Variants in IL1RL1 observed in about 807,000 individuals in gnomAD.
IL1RL1 encodes interleukin-1 receptor-like 1.
In IL1RL1, 32 loss-of-function variants were observed where a neutral mutation model predicts 50.9. The observed-to-expected ratio is 0.63, with a 90% confidence interval of 0.47 to 0.84. IL1RL1 has a LOEUF of 0.84. IL1RL1 is among the 40% of genes least tolerant of loss of function. IL1RL1 has a pLI of 0.00. For synonymous variants in IL1RL1, 275 were observed against 236.0 expected (o/e 1.17, Z -1.51); for missense variants, 773 against 662.9 (o/e 1.17, Z -1.82).
At position 102,342,927 on chromosome 2, in the gene IL1RL1, G is replaced by T. The variant is rs1037357069; in HGVS notation, c.683-109G>T. 3.0e-6 allele frequency: 3 copies of T among 1,008,320 alleles called. No homozygotes were observed. In the African/African-American group the frequency reaches 4.9e-5, roughly 16 times the overall value. The allele number at this position is 1,008,320 out of a possible 1,614,324, so 62.5% of individuals were successfully genotyped here. A position where few individuals can be genotyped will look rare whatever the true frequency, so the allele number is the denominator to read the frequency against. ...GCTAGAGATGAGGGAGGGAGGTCCT[G>T]GTGGGGTGCATACTAAGTGTTCAGT... is the stretch of plus-strand genomic sequence containing the variant. On this transcript the variant is annotated intron_variant, in intron 6 of 10. Coordinates refer to ENST00000233954, the MANE Select transcript of IL1RL1 (RefSeq NM_016232.5).
Position 102,340,119 on chromosome 2 carries a change from A to G in IL1RL1, c.294A>G (p.Gly98=), listed in dbSNP as rs1677487652. The G allele has an allele frequency of 1.3e-6, 2 of 1,574,500 alleles. No individual in the cohort carries two copies. Among genetic ancestry groups the G allele is most frequent in the Non-Finnish European group, 8.6e-7 (1 of 1,158,708 alleles). Residue 98 remains glycine, a synonymous_variant, in exon 4 of 11, where the codon GGA becomes GGG. Transcript: ENST00000233954. ...IVRSPTFNRT[G]YANVTIYKKQ... ...ACAGTCCCACATTCAATAGGACTGG[A>G]TATGCGAATGTCACCATATATAAAA...
Position 102,351,742 on chromosome 2 carries a change from G to T in IL1RL1, c.1492G>T (p.Asp498Tyr). The T allele has an allele frequency of 1.2e-6, 2 of 1,614,046 alleles. No homozygotes were observed. Among genetic ancestry groups the T allele is most frequent in the African/African-American group, 2.7e-5 (2 of 75,008 alleles). ...LDMLQAEALQDSLQHLMKVQG... is the reference protein window; with the variant it reads ...LDMLQAEALQYSLQHLMKVQG... ...CATGCTGCAGGCTGAGGCGCTTCAG[G>T]ACTCCCTCCAGCATCTTATGAAAGT... The change falls in exon 11 of 11, where the codon GAC becomes TAC. Residue 498 changes from aspartate (D) to tyrosine (Y), a missense_variant. Transcript: ENST00000233954.
chr2:102,338,270 G>C lies in IL1RL1; in HGVS notation c.6G>C (p.Gly2=). The stretch of plus-strand genomic sequence containing the variant: ...GCTCTTGATTGATAAACAGAATGGG[G>C]TTTTGGATCTTAGCAATTCTCACAA... M[G]FWILAILTIL... The change falls in exon 2 of 11, where the codon GGG becomes GGC. Residue 2 remains glycine, a synonymous_variant. Transcript: ENST00000233954. The C allele has an allele frequency of 6.2e-7, 1 of 1,605,650 alleles. No individual in the cohort carries two copies. Among genetic ancestry groups the C allele is most frequent in the Non-Finnish European group, 8.5e-7 (1 of 1,173,742 alleles).
At chr2:102,323,684 A>G (rs2104966305) in intron 1 of IL1RL1, among the ~76,000 whole-genome samples, 1 of 152,140 alleles carries the variant, frequency 6.6e-6, no homozygotes, top group South Asian at 2.1e-4. Flanking sequence ...TGAAGGAGGG[A>G]ATTAATCTAT....
intron 8 of IL1RL1, 123 bp downstream of exon 8, chr2:102,343,538 C>G (rs1262164827): frequency 6.3e-7 from 1 of 1,580,094 alleles, no homozygotes; most frequent in Non-Finnish European, 8.6e-7. Flanking sequence ...AAATGTGCTT[C>G]TCTTCTTCGG....
chr2:102,315,001 C>G (rs1448637530), intron 1 of IL1RL1, among the ~76,000 whole-genome samples: 1 of 152,180 alleles, frequency 6.6e-6, no homozygotes, highest in South Asian at 2.1e-4. Context: ...GGCAAACTTA[C>G]AGTTTATCTG....
At position 102,343,272 on chromosome 2, in the gene IL1RL1, T is replaced by C. The variant is rs1463232940; in HGVS notation, c.827T>C (p.Phe276Ser). 2 of 1,614,214 alleles carry C rather than the reference T, an allele frequency of 1.2e-6. No individual in the cohort carries two copies. The change falls in exon 8 of 11, where the codon TTC (phenylalanine) becomes TCC (serine). Residue 276 changes from phenylalanine (F) to serine (S), a missense_variant and splice_region_variant. Coordinates refer to ENST00000233954, the MANE Select transcript of IL1RL1 (RefSeq NM_016232.5). Reference sequence around the variant, plus strand: ...AAAGTAACAGGTTGCTTTCTTAGTTTCAGCAATGGGCTGGCTTGTCTAGAC... The same window carrying C: ...AAAGTAACAGGTTGCTTTCTTAGTTCCAGCAATGGGCTGGCTTGTCTAGAC... ...IQQEEGQNQSFSNGLACLDMV... is the reference protein window; with the variant it reads ...IQQEEGQNQSSSNGLACLDMV...
At position 102,340,827 on chromosome 2, in the gene IL1RL1, G is replaced by T; in HGVS notation, c.609G>T (p.Lys203Asn). The T allele has an allele frequency of 2.5e-6, 4 of 1,569,268 alleles. No homozygotes were observed. Among genetic ancestry groups the T allele is most frequent in the Non-Finnish European group, 3.4e-6 (4 of 1,165,852 alleles). ...CGGCGACCAGGTCCTTCACGGTCAA[G>T]GGTAAGCTACTGACATTAATGAGAT... ...SVTATRSFTV[K>N]DEQGFSLFPV... is the part of the protein sequence containing the mutation. Residue 203 changes from lysine (K) to asparagine (N), a missense_variant and splice_region_variant, in exon 5 of 11, where the codon AAG (lysine) becomes AAT (asparagine). Physicochemically the swap from Lys to Asn is moderately conservative, Grantham distance 94. Transcript: ENST00000233954.
chr2:102,328,089 T>C (rs936118216), intron 1 of IL1RL1, among the ~76,000 whole-genome samples: 1 of 152,088 alleles, frequency 6.6e-6, no homozygotes, highest in African/African-American at 2.4e-5. Flanking sequence ...TGATGAACAT[T>C]GATGCAAAAA....
At chr2:102,324,418 G>A (rs1425861857) in intron 1 of IL1RL1, among the ~76,000 whole-genome samples, 4 of 152,188 alleles carry the variant, frequency 2.6e-5, no homozygotes, top group Middle Eastern at 3.2e-3. Flanking sequence ...ACAGCTCCCA[G>A]CGTGAGCGAC....
At position 102,338,314 on chromosome 2, in the gene IL1RL1, C is replaced by A; in HGVS notation, c.50C>A (p.Ala17Glu). The A allele has an allele frequency of 6.3e-7, 1 of 1,593,342 alleles. No homozygotes were observed. The highest frequency in any genetic ancestry group is 8.6e-7 in the Non-Finnish European group (1 of 1,163,560). ...AILTILMYST[A>E]AKFSKQSWGL... ...CTCACAATTCTCATGTATTCCACAG[C>A]AGCAAAGTTTAGTAAGTATTGCCTT... is the stretch of plus-strand genomic sequence containing the variant. Residue 17 changes from alanine to glutamate, a missense_variant, in exon 2 of 11, where the codon GCA becomes GAA. Coordinates refer to ENST00000233954, the MANE Select transcript of IL1RL1 (RefSeq NM_016232.5).
intron 1 of IL1RL1, among the ~76,000 whole-genome samples, chr2:102,315,460 C>T (rs571530459): frequency 1.3e-5 from 2 of 152,222 alleles, no homozygotes; most frequent in South Asian, 2.1e-4. Flanking sequence ...TAAAGAAAAT[C>T]AGAGTCTCTT....
At chr2:102,320,729 A>G (rs1199666435) in intron 1 of IL1RL1, among the ~76,000 whole-genome samples, 3 of 152,062 alleles carry the variant, frequency 2.0e-5, no homozygotes, top group African/African-American at 4.8e-5. Flanking sequence ...AAGAAGTCCT[A>G]CTAGTTCTAC....
chr2:102,348,397 G>A (rs572002515), intron 9 of IL1RL1, among the ~76,000 whole-genome samples: 1 of 152,190 alleles, frequency 6.6e-6, no homozygotes, highest in East Asian at 1.9e-4. Flanking sequence ...ATTTCATAAT[G>A]TATCGGTAAG....
chr2:102,319,342 C>T (rs1049421370), intron 1 of IL1RL1, among the ~76,000 whole-genome samples: 1 of 152,138 alleles, frequency 6.6e-6, no homozygotes, highest in African/African-American at 2.4e-5. Context: ...TTTCTCTTAA[C>T]AACTATGCTT....
intron 1 of IL1RL1, among the ~76,000 whole-genome samples, chr2:102,326,080 A>G: frequency 6.6e-6 from 1 of 152,196 alleles, no homozygotes; most frequent in Non-Finnish European, 1.5e-5. Flanking sequence ...ATGAAGGCAA[A>G]AATGTTAAGG....
chr2:102,349,557 A>G (rs1464714752), intron 10 of IL1RL1, among the ~76,000 whole-genome samples: 2 of 152,162 alleles, frequency 1.3e-5, no homozygotes, highest in African/African-American at 4.8e-5. Context: ...TAACTCTGCC[A>G]CTTCTTAATT....
rs1200266436 is a variant in IL1RL1, at chr2:102,311,585, A to G, written c.-188A>G. 5 of 151,324 alleles carry G rather than the reference A, an allele frequency of 3.3e-5. No homozygotes were observed. Among genetic ancestry groups the G allele is most frequent in the Admixed American group, 1.3e-4 (2 of 15,032 alleles). 9.4% of individuals were successfully genotyped at this position (151,324 alleles called of 1,614,324 possible). A position where few individuals can be genotyped will look rare whatever the true frequency, so the allele number is the denominator to read the frequency against. On this transcript the variant is annotated 5_prime_UTR_variant, in exon 1 of 11. Coordinates refer to ENST00000233954, the MANE Select transcript of IL1RL1 (RefSeq NM_016232.5). ...TCTGAGTTGTGAAACTGTGGGCAGA[A>G]AGTTGAGGAAGAAAGAACTCAAGTA...
At chr2:102,342,470 G>T (rs1677607798) in intron 6 of IL1RL1, among the ~76,000 whole-genome samples, 176 bp downstream of exon 6, 1 of 152,150 alleles carries the variant, frequency 6.6e-6, no homozygotes, top group African/African-American at 2.4e-5. Context: ...TGGGAACAGG[G>T]ACACAGCAAT....
Sources: allele counts gnomAD v4.1 joint callset (sites outside exome capture counted in the v4.1 genomes callset), GRCh38; gene constraint gnomAD v4.1.1; transcripts MANE v1.5; gene names NCBI Gene and HGNC (gene_info 2026-07-23, HGNC 2026-07-21).